The following FAT2 variants were observed in gnomAD, a reference collection of about 807,000 sequenced individuals.
The protein encoded by FAT2 is protocadherin Fat 2.
In FAT2, 150 loss-of-function variants were observed where a neutral mutation model predicts 295.3. The observed-to-expected ratio is 0.51, with a 90% CI of 0.44 to 0.58. The LOEUF (loss-of-function observed/expected upper bound fraction) is 0.58, where lower values mean the gene tolerates loss of function less well. Among genes scored for constraint, FAT2 ranks in the 20% least tolerant of loss-of-function variants. FAT2 has a pLI of 0.00. For synonymous variants in FAT2, 2,026 were observed against 2,150.3 expected (o/e 0.94, Z 1.60); for missense variants, 4,868 against 5,442.7 (o/e 0.89, Z 3.32).
rs1336145829 is a variant in FAT2 at position 151,531,206 on chromosome 5, A to G, written c.9811+381T>C. Among the ~76,000 whole-genome samples, 2 of 152,178 alleles carry G rather than the reference A, an allele frequency of 1.3e-5. No homozygotes were observed. Among genetic ancestry groups the G allele is most frequent in the Non-Finnish European group, 2.9e-5 (2 of 68,026 alleles). On this transcript the variant is annotated intron_variant, in intron 14 of 23. Transcript: ENST00000261800. This position sits in a 1 kb window ranked among gnomAD's most constrained non-coding sequence, Gnocchi z 5.7. ...AGGAGGGAAGCAGGCAGCCTTGTCC[A>G]GGGTTGCTTAAGCCCCAGATTCCAG...
chr5:151,545,811 T>C lies in FAT2; in HGVS notation c.5316A>G (p.Pro1772=), dbSNP rs1310118533. 3 of 1,614,212 alleles carry C rather than the reference T, an allele frequency of 1.9e-6. No individual in the cohort carries two copies. The highest frequency in any genetic ancestry group is 2.5e-6 in the Non-Finnish European group (3 of 1,180,026). Reference sequence around the variant, plus strand: ...TTTTATCCATGATCATGCTATACAGTGGAGCTGCTTCACTAATTTGGCCCA... The same window carrying C: ...TTTTATCCATGATCATGCTATACAGCGGAGCTGCTTCACTAATTTGGCCCA... ...TFVGQISEAA[P]LYSMIMDKNN... is the part of the protein sequence containing the mutation. The change falls in exon 10 of 24, where the codon CCA becomes CCG. Residue 1772 remains proline (P), a synonymous_variant. Coordinates refer to ENST00000261800, the MANE Select transcript of FAT2 (RefSeq NM_001447.3).
At chr5:151,535,567 G>C (rs72798355) in intron 12 of FAT2, among the ~76,000 whole-genome samples, 4 of 152,024 alleles carry the variant, frequency 2.6e-5, no homozygotes, top group African/African-American at 7.2e-5. Flanking sequence ...CTCTTCACCT[G>C]TATCCTTTGC....
At chr5:151,579,899 T>G (rs1167542540) in intron 1 of FAT2, among the ~76,000 whole-genome samples, 1 of 152,180 alleles carries the variant, frequency 6.6e-6, no homozygotes, top group Non-Finnish European at 1.5e-5. Context: ...ATTCTTCTTA[T>G]GTTAAGCAGA....
intron 11 of FAT2, 86 bp from the exon 12 acceptor site, chr5:151,538,032 A>G: frequency 8.3e-7 from 1 of 1,203,886 alleles, no homozygotes; most frequent in South Asian, 1.5e-5. Flanking sequence ...TGAGGGAGGC[A>G]GAAGCAGAAA....
At position 151,512,096 on chromosome 5, in the gene FAT2, A is replaced by T; in HGVS notation, c.11905+69T>A. 6.8e-7 allele frequency: 1 copy of T among 1,461,320 alleles called. No individual in the cohort carries two copies. The highest frequency in any genetic ancestry group is 9.3e-7 in the Non-Finnish European group (1 of 1,070,284). The allele number at this position is 1,461,320 out of a possible 1,614,324, so 90.5% of individuals were successfully genotyped here. A position where few individuals can be genotyped will look rare whatever the true frequency, so the allele number is the denominator to read the frequency against. ...AGGAGGCTCTGAGATCTCCACCCTG[A>T]CATGCTTTTCCCACCTGAAGAGCCT... On this transcript the variant is annotated intron_variant, in intron 21 of 23. Coordinates refer to ENST00000261800, the MANE Select transcript of FAT2 (RefSeq NM_001447.3). This position sits in a 1 kb window ranked among gnomAD's most constrained non-coding sequence, Gnocchi z 4.1.
rs894819205 is a variant in FAT2, at chr5:151,528,125, C to T, written c.10035G>A (p.Ala3345=). The change falls in exon 16 of 24, where the codon GCG becomes GCA. Residue 3345 remains alanine, a synonymous_variant. Transcript: ENST00000261800. ...LVGDVILTVS[A]TDEDGPLNSD... ...TATTTAGGGGTCCATCTTCATCAGTCGCTGATACCTGCGGTGGGGTAGGGG... is the reference window on the plus strand; with the variant it reads ...TATTTAGGGGTCCATCTTCATCAGTTGCTGATACCTGCGGTGGGGTAGGGG... 1.1e-5 allele frequency: 18 copies of T among 1,613,830 alleles called. No individual in the cohort carries two copies. The highest frequency in any genetic ancestry group is 5.5e-5 in the South Asian group (5 of 91,000).
chr5:151,546,186 G>A lies in FAT2; in HGVS notation c.4941C>T (p.Ile1647=), dbSNP rs775817164. ...TCCTATCTGAGGGATAGACATGAAT[G>A]ATCACTGTAGCCAGGTCATGCCATT... ...SPQWHDLATV[I]IHVYPSDRSA... Residue 1647 remains isoleucine, a synonymous_variant, in exon 10 of 24, where the codon ATC becomes ATT. Transcript: ENST00000261800. 1 of 1,614,154 alleles carries A rather than the reference G, an allele frequency of 6.2e-7. No homozygotes were observed. The highest frequency in any genetic ancestry group is 8.5e-7 in the Non-Finnish European group (1 of 1,180,022).
At chr5:151,527,060 G>A (rs1433927820) in intron 17 of FAT2, among the ~76,000 whole-genome samples, 174 bp downstream of exon 17, 1 of 152,236 alleles carries the variant, frequency 6.6e-6, no homozygotes, top group African/African-American at 2.4e-5. Flanking sequence ...CTAACACAGT[G>A]CCTGATTCCC....
rs1755136618 is a variant in FAT2 at position 151,535,211 on chromosome 5, C to T, written c.9194-569G>A. Among the ~76,000 whole-genome samples, 3 of 151,888 alleles carry T rather than the reference C, an allele frequency of 2.0e-5. No homozygotes were observed. In the South Asian group the frequency reaches 6.2e-4, roughly 32 times the overall value. On this transcript the variant is annotated intron_variant, in intron 12 of 23. Coordinates refer to ENST00000261800, the MANE Select transcript of FAT2 (RefSeq NM_001447.3). ...TTTCATGCATGGCTCCTGCCCGTAA[C>T]TCCCACAGCCCTTGTTACACACTCT... is the stretch of plus-strand genomic sequence containing the variant.
chr5:151,528,387 G>A (rs910152006), intron 15 of FAT2, among the ~76,000 whole-genome samples: 7 of 152,164 alleles, frequency 4.6e-5, no homozygotes, highest in Admixed American at 2.6e-4. Flanking sequence ...TGAGGAATGT[G>A]CTAAAATGAA....
chr5:151,588,123 GTGTA>G (rs1759249045), intron 1 of FAT2, among the ~76,000 whole-genome samples: 1 of 152,146 alleles, frequency 6.6e-6, no homozygotes. Context: ...AGTGGTGTGT[GTGTA>G]TGTGTGTGTG....
At chr5:151,553,697 C>T (rs1757432283) in intron 5 of FAT2, among the ~76,000 whole-genome samples, 1 of 152,206 alleles carries the variant, frequency 6.6e-6, no homozygotes, top group Non-Finnish European at 1.5e-5. Flanking sequence ...CATACATATG[C>T]CCTTTGCTTT....
rs773117135 is a variant in FAT2, at chr5:151,568,276, A to T, written c.656T>A (p.Leu219His). Reference sequence around the variant, plus strand: ...CATGCGGTCCACAGCTAGCACCTGGAGCTCATGCTTTCCTCGCCAGGTGAC... The same window carrying T: ...CATGCGGTCCACAGCTAGCACCTGGTGCTCATGCTTTCCTCGCCAGGTGAC... ...LNVTWRGKHE[L>H]QVLAVDRMRK... The change falls in exon 2 of 24, where the codon CTC (leucine) becomes CAC (histidine). Residue 219 changes from leucine to histidine, a missense_variant. By Grantham distance (99) the Leu-to-His change is moderately conservative. Coordinates refer to ENST00000261800, the MANE Select transcript of FAT2 (RefSeq NM_001447.3). 6 of 1,614,192 alleles carry T rather than the reference A, an allele frequency of 3.7e-6. No individual in the cohort carries two copies. Among genetic ancestry groups the T allele is most frequent in the Non-Finnish European group, 5.1e-6 (6 of 1,180,020 alleles).
intron 9 of FAT2, 75 bp from the exon 10 acceptor site, chr5:151,546,412 G>T (rs1756637850): frequency 4.3e-6 from 5 of 1,159,750 alleles, no homozygotes; most frequent in East Asian, 2.4e-5. Context: ...GATCAGTAAA[G>T]GGTCTATCAC....
rs1447042366 is a variant in FAT2, at chr5:151,504,575, G to A, written c.*990C>T. On this transcript the variant is annotated 3_prime_UTR_variant, in exon 24 of 24. Transcript: ENST00000261800. Reference sequence around the variant, plus strand: ...TGTCCAGCCTGGACACTGCGGTCCAGCTCCCTGCTTCCAACCGGCCCTAAA... The same window carrying A: ...TGTCCAGCCTGGACACTGCGGTCCAACTCCCTGCTTCCAACCGGCCCTAAA... The A allele has an allele frequency of 2.0e-5, 3 of 152,684 alleles. No homozygotes were observed. The highest frequency in any genetic ancestry group is 4.8e-5 in the African/African-American group (2 of 41,468). 9.5% of individuals were successfully genotyped at this position (152,684 alleles called of 1,614,324 possible). A position where few individuals can be genotyped will look rare whatever the true frequency, so the allele number is the denominator to read the frequency against.
chr5:151,565,651 C>A, intron 2 of FAT2, 22 bp downstream of exon 2: 1 of 1,440,650 alleles, frequency 6.9e-7, no homozygotes, highest in Non-Finnish European at 9.4e-7. Context: ...CCTGGCACCC[C>A]ACCCTACCCC....
rs1224620497 is a variant in FAT2, at chr5:151,542,390, C to G, written c.8737G>C (p.Gly2913Arg). The G allele has an allele frequency of 6.2e-7, 1 of 1,614,048 alleles. No individual in the cohort carries two copies. The highest frequency in any genetic ancestry group is 8.5e-7 in the Non-Finnish European group (1 of 1,180,046). The change falls in exon 10 of 24, where the codon GGA (glycine) becomes CGA (arginine). Residue 2913 changes from glycine to arginine, a missense_variant. By Grantham distance (125) the Gly-to-Arg change is moderately radical (BLOSUM62 -2). Around this residue, in one of 5 missense-constraint regions of FAT2, gnomAD observed 3,297 missense variants for 3,669.4 expected, o/e 0.90. Transcript: ENST00000261800. ...GGCTCACTGTTCTCAACCACAGATC[C>G]TCTGTACTCTTCAGAAGCAAATCGG... ...APRFASEEYRGSVVENSEPGE... is the reference protein window; with the variant it reads ...APRFASEEYRRSVVENSEPGE...
chr5:151,551,000 T>C (rs1757145104), intron 7 of FAT2, 129 bp from the exon 8 acceptor site: 1 of 787,810 alleles, frequency 1.3e-6, no homozygotes, highest in African/African-American at 1.7e-5. Context: ...TTGATAAATA[T>C]TTGTTGAATG....
chr5:151,506,207 G>T (rs1446722568), intron 23 of FAT2, 110 bp from the exon 24 acceptor site: 2 of 1,171,344 alleles, frequency 1.7e-6, no homozygotes, highest in Non-Finnish European at 1.2e-6. Flanking sequence ...GGAGTGGGTG[G>T]GCATAGGCCC....
Sources: allele counts gnomAD v4.1 joint callset (sites outside exome capture counted in the v4.1 genomes callset), GRCh38; gene constraint gnomAD v4.1.1; regional missense constraint gnomAD v4.1.1; non-coding constraint Gnocchi (gnomAD v3.1); transcripts MANE v1.5; gene names NCBI Gene and HGNC (gene_info 2026-07-23, HGNC 2026-07-21).